The following TNFRSF11A variants were observed in gnomAD, a reference collection of about 807,000 sequenced individuals.
TNFRSF11A encodes the protein TNF receptor superfamily member 11a.
Under a neutral mutation model 55.7 loss-of-function variants are expected in TNFRSF11A, and 32 were observed. That is an observed-to-expected ratio of 0.57 (90% CI 0.43 to 0.77). The LOEUF is 0.77. Among genes scored for constraint, TNFRSF11A ranks in the 30% least tolerant of loss-of-function variants. The pLI is 0.00. For synonymous variants in TNFRSF11A, 311 were observed against 331.0 expected (o/e 0.94, Z 0.65); for missense variants, 753 against 809.8 (o/e 0.93, Z 0.85).
rs1274703528 is a variant in TNFRSF11A, at chr18:62,361,720, C to T, written c.657C>T (p.Leu219=). Reference sequence around the variant, plus strand: ...TGCCCGGTTTAATAATTCTGCTTCTCTTCGCGTCTGTGGCCCTGGTGGCTG... The same window carrying T: ...TGCCCGGTTTAATAATTCTGCTTCTTTTCGCGTCTGTGGCCCTGGTGGCTG... The part of the protein sequence containing the change: ...VYLPGLIILL[L]FASVALVAAI... Residue 219 remains leucine (L), a synonymous_variant, in exon 7 of 10, where the codon CTC becomes CTT. Transcript: ENST00000586569. The T allele has an allele frequency of 1.4e-5, 22 of 1,614,072 alleles. No homozygotes were observed. Among genetic ancestry groups the T allele is most frequent in the Non-Finnish European group, 1.8e-5 (21 of 1,180,052 alleles).
intron 1 of TNFRSF11A, among the ~76,000 whole-genome samples, chr18:62,328,637 G>C (rs2046108400): frequency 6.6e-6 from 1 of 152,178 alleles, no homozygotes; most frequent in African/African-American, 2.4e-5. Context: ...ATCCCCCAGG[G>C]TGTGACTCTG....
In TNFRSF11A at chr18:62,352,830, T is replaced by G. The variant is rs548071149; in HGVS notation, c.284-1561T>G. On this transcript the variant is annotated intron_variant, in intron 3 of 9. Coordinates refer to ENST00000586569, the MANE Select transcript of TNFRSF11A (RefSeq NM_003839.4). ...TCACCAAGCTTGGGTCTATAAAGAT[T>G]GGAAATAGGAAATGTCCCCTCCCTA... Among the ~76,000 whole-genome samples the G allele has an allele frequency of 4.7e-4, 72 of 152,230 alleles. 1 individual carries two copies. The South Asian group carries it at 0.011, about 24-fold the overall frequency.
chr18:62,362,253 G>A (rs1250541239), intron 7 of TNFRSF11A, among the ~76,000 whole-genome samples: 2 of 152,116 alleles, frequency 1.3e-5, no homozygotes, highest in African/African-American at 4.8e-5. Context: ...CACTTTGAGA[G>A]GCCGAGGCAG....
chr18:62,376,594 G>C (rs138593364), intron 9 of TNFRSF11A, among the ~76,000 whole-genome samples: 9 of 152,126 alleles, frequency 5.9e-5, no homozygotes, highest in African/African-American at 2.2e-4. Flanking sequence ...TGCACTTGAC[G>C]AGCGCATATT....
chr18:62,353,755 G>A (rs944501827), intron 3 of TNFRSF11A, among the ~76,000 whole-genome samples: 4 of 152,004 alleles, frequency 2.6e-5, no homozygotes, highest in African/African-American at 9.7e-5. Context: ...CAATTCCCAC[G>A]TACCTGCATT....
At chr18:62,384,653 G>A (rs1600432701) in intron 9 of TNFRSF11A, 98 bp from the exon 10 acceptor site, 2 of 1,456,046 alleles carry the variant, frequency 1.4e-6, no homozygotes, top group African/African-American at 1.4e-5. Context: ...GTGGGAATCC[G>A]GGGAGCCGCC....
At chr18:62,333,485 C>T (rs1036083152) in intron 1 of TNFRSF11A, among the ~76,000 whole-genome samples, 2 of 152,200 alleles carry the variant, frequency 1.3e-5, no homozygotes, top group African/African-American at 4.8e-5. Flanking sequence ...ATTACAAGTA[C>T]CGGCCATCTG....
chr18:62,340,789 A>T (rs2046300332), intron 1 of TNFRSF11A, among the ~76,000 whole-genome samples: 1 of 152,176 alleles, frequency 6.6e-6, no homozygotes, highest in African/African-American at 2.4e-5. Context: ...CCAAGTTTTT[A>T]ATGTGTTACA....
At chr18:62,347,407 G>A (rs2046399157) in intron 1 of TNFRSF11A, among the ~76,000 whole-genome samples, 1 of 152,132 alleles carries the variant, frequency 6.6e-6, no homozygotes, top group South Asian at 2.1e-4. Flanking sequence ...GGGCTGCTCT[G>A]TTTTCTTTTG....
intron 1 of TNFRSF11A, among the ~76,000 whole-genome samples, chr18:62,341,836 C>CTTTTTTTTTTT (rs34047775): frequency 3.5e-5 from 3 of 85,214 alleles, no homozygotes; most frequent in African/African-American, 9.5e-5. Flanking sequence ...CTGAGAATGG[C>CTTTTTTTTTTT]TTTTTTTTTT....
At chr18:62,375,107 A>G (rs1422761065) in intron 9 of TNFRSF11A, among the ~76,000 whole-genome samples, 1 of 148,050 alleles carries the variant, frequency 6.8e-6, no homozygotes, top group Non-Finnish European at 1.5e-5. Context: ...TTAGAGACTG[A>G]GTTTCGTCAT....
intron 9 of TNFRSF11A, among the ~76,000 whole-genome samples, chr18:62,382,107 CTTTTTT>C (rs574488222): frequency 2.2e-5 from 2 of 89,414 alleles, no homozygotes; most frequent in Admixed American, 1.4e-4. Flanking sequence ...TTCCTGAGTC[CTTTTTT>C]TTTTTTTTTT....
At chr18:62,349,519 G>T (rs918348270) in intron 2 of TNFRSF11A, among the ~76,000 whole-genome samples, 1 of 152,156 alleles carries the variant, frequency 6.6e-6, no homozygotes, top group Non-Finnish European at 1.5e-5. Flanking sequence ...GGGTGCAGAG[G>T]GTGGTTGGCT....
chr18:62,359,343 G>T (rs369747227), intron 5 of TNFRSF11A, among the ~76,000 whole-genome samples: 1 of 152,180 alleles, frequency 6.6e-6, no homozygotes, highest in Non-Finnish European at 1.5e-5. Context: ...ATCAGCAAAA[G>T]TATGTCACTT....
Position 62,387,708 on chromosome 18 carries a change from CGGAA to C in TNFRSF11A, c.*2680_*2683del, listed in dbSNP as rs1411399504. ...TCCTACTCACATTTTACTCAGCTGTCGGAAGGAAGAATGAATTTCTCAAGAGCAG... is the reference window on the plus strand; with the variant it reads ...TCCTACTCACATTTTACTCAGCTGTCGGAAGAATGAATTTCTCAAGAGCAG... On this transcript the variant is annotated 3_prime_UTR_variant, in exon 10 of 10. Coordinates refer to ENST00000586569, the MANE Select transcript of TNFRSF11A (RefSeq NM_003839.4). The C allele has an allele frequency of 6.6e-6, 1 of 152,100 alleles. No homozygotes were observed. The highest frequency in any genetic ancestry group is 1.9e-4 in the East Asian group (1 of 5,190). The allele number at this position is 152,100 out of a possible 1,614,324, so 9.4% of individuals were successfully genotyped here.
intron 1 of TNFRSF11A, among the ~76,000 whole-genome samples, chr18:62,347,445 T>C (rs896589818): frequency 5.9e-5 from 9 of 152,188 alleles, no homozygotes; most frequent in Admixed American, 3.9e-4. Context: ...GATTCAGAAA[T>C]TGGTATTTGT....
chr18:62,375,287 T>C (rs1487356675), intron 9 of TNFRSF11A, among the ~76,000 whole-genome samples: 2 of 151,934 alleles, frequency 1.3e-5, no homozygotes, highest in African/African-American at 4.8e-5. Flanking sequence ...GCCTGAGCGA[T>C]TAAGCAAGAC....
intron 1 of TNFRSF11A, among the ~76,000 whole-genome samples, chr18:62,343,081 T>C (rs1464045699): frequency 6.6e-6 from 1 of 152,246 alleles, no homozygotes; most frequent in Non-Finnish European, 1.5e-5. Flanking sequence ...ACAGCAGGGC[T>C]GTTAAGTGAA....
At chr18:62,342,671 G>T (rs78307141) in intron 1 of TNFRSF11A, among the ~76,000 whole-genome samples, 9,905 of 152,174 alleles carry the variant, frequency 0.065, 688 homozygotes, top group East Asian at 0.31. Flanking sequence ...AGCTAAGGAA[G>T]GGGCAGACCA....
Sources: gnomAD v4.1 joint callset for allele counts (sites outside exome capture counted in the v4.1 genomes callset) on GRCh38, gnomAD v4.1.1 for gene constraint, MANE v1.5 for transcripts, NCBI Gene and HGNC (gene_info 2026-07-23, HGNC 2026-07-21) for gene names.